HS2ST1: variants seen among roughly 807,000 people sequenced by gnomAD.
The protein encoded by HS2ST1 is heparan sulfate 2-O-sulfotransferase 1.
In HS2ST1, 18 loss-of-function variants were observed where a neutral mutation model predicts 42.9. The ratio of observed to expected loss-of-function variants is 0.42; its 90% CI spans 0.29 to 0.62. The LOEUF (loss-of-function observed/expected upper bound fraction) is 0.62, where lower values mean the gene tolerates loss of function less well. Ranked by LOEUF, HS2ST1 falls within the 20% of genes least tolerant of loss-of-function variation. HS2ST1 has a pLI of 0.21. For synonymous variants in HS2ST1, 146 were observed against 152.9 expected, an observed-to-expected ratio of 0.95 and a Z score of 0.33; for missense variants, 334 against 433.8, an observed-to-expected ratio of 0.77 and a Z score of 2.04.
chr1:87,029,282 T>G (rs1650167951), intron 1 of HS2ST1, among the ~76,000 whole-genome samples: 1 of 152,214 alleles, frequency 6.6e-6, no homozygotes, highest in Non-Finnish European at 1.5e-5. Flanking sequence ...CTTCTTTTAA[T>G]AGTGTCATGT....
intron 1 of HS2ST1, among the ~76,000 whole-genome samples, chr1:87,025,840 G>A (rs927059771): frequency 1.3e-5 from 2 of 152,094 alleles, no homozygotes; most frequent in Non-Finnish European, 2.9e-5. Context: ...AAGATTTGCA[G>A]AATGTAACAT....
intron 1 of HS2ST1, among the ~76,000 whole-genome samples, chr1:86,927,105 G>A (rs1660437199): frequency 6.6e-6 from 1 of 152,104 alleles, no homozygotes; most frequent in Admixed American, 6.6e-5. Context: ...TGCTGGGTGT[G>A]GCTGGATAAA....
chr1:87,038,854 A>G (rs532856644), intron 1 of HS2ST1, among the ~76,000 whole-genome samples: 1 of 152,314 alleles, frequency 6.6e-6, no homozygotes, highest in African/African-American at 2.4e-5. Flanking sequence ...ATGGATTCTG[A>G]CAGAGAAACT....
chr1:86,967,753 C>G (rs911882730), intron 1 of HS2ST1, among the ~76,000 whole-genome samples: 1 of 152,204 alleles, frequency 6.6e-6, no homozygotes, highest in African/African-American at 2.4e-5. Flanking sequence ...TGTGCTGCAA[C>G]AAACATTTAT....
chr1:87,098,696 C>T (rs1652128167), intron 5 of HS2ST1, among the ~76,000 whole-genome samples: 1 of 152,130 alleles, frequency 6.6e-6, no homozygotes, highest in Non-Finnish European at 1.5e-5. Flanking sequence ...TAAAGAATGC[C>T]TTCTCAATTT....
Position 87,072,981 on chromosome 1 carries a change from A to G in HS2ST1, c.172A>G (p.Thr58Ala), listed in dbSNP as rs750206376. Residue 58 changes from threonine to alanine, a missense_variant, in exon 2 of 7, where the codon ACA (threonine) becomes GCA (alanine). Transcript: ENST00000370550. Reference sequence around the variant, plus strand: ...AGTCCGAGAAATTGAGCAGCGACATACAATGGATGGCCCTCGGCAAGATGC... The same window carrying G: ...AGTCCGAGAAATTGAGCAGCGACATGCAATGGATGGCCCTCGGCAAGATGC... The part of the protein sequence containing the change: ...HEVREIEQRH[T>A]MDGPRQDATL... 5.0e-6 allele frequency: 8 copies of G among 1,614,008 alleles called. No individual in the cohort carries two copies. Among genetic ancestry groups the G allele is most frequent in the Non-Finnish European group, 6.8e-6 (8 of 1,180,006 alleles).
chr1:87,064,650 GA>G, intron 1 of HS2ST1: 1 of 407,322 alleles, frequency 2.5e-6, no homozygotes, highest in Non-Finnish European at 4.8e-6. Flanking sequence ...TGCTCAGGGA[GA>G]CTGATTCAAG....
At chr1:87,012,602 CT>C (rs1202536658) in intron 1 of HS2ST1, among the ~76,000 whole-genome samples, 2 of 152,176 alleles carry the variant, frequency 1.3e-5, no homozygotes, top group East Asian at 1.9e-4. Flanking sequence ...CATTCTGCCC[CT>C]GGCCCCTCCC....
intron 1 of HS2ST1, among the ~76,000 whole-genome samples, chr1:87,017,267 G>C (rs1052701553): frequency 4.6e-5 from 7 of 152,098 alleles, no homozygotes; most frequent in Non-Finnish European, 7.4e-5. Flanking sequence ...CTCCCGAGTA[G>C]CTGGGACTAC....
At chr1:86,944,989 T>C (rs1261154022) in intron 1 of HS2ST1, among the ~76,000 whole-genome samples, 1 of 152,118 alleles carries the variant, frequency 6.6e-6, no homozygotes, top group Non-Finnish European at 1.5e-5. Context: ...TGTATTCTAC[T>C]TTCTATGAAA....
chr1:87,033,302 A>T (rs1650286709), intron 1 of HS2ST1, among the ~76,000 whole-genome samples: 1 of 152,228 alleles, frequency 6.6e-6, no homozygotes, highest in Non-Finnish European at 1.5e-5. Flanking sequence ...ATCAAAACAT[A>T]GTTGGTGAAC....
chr1:86,947,406 T>C, intron 1 of HS2ST1, among the ~76,000 whole-genome samples: 1 of 152,228 alleles, frequency 6.6e-6, no homozygotes, highest in Non-Finnish European at 1.5e-5. Flanking sequence ...TGCACTTTGT[T>C]TTTAATTCCA....
rs1354419373 is a variant in HS2ST1 at position 86,990,836 on chromosome 1, A to T, written c.124+75676A>T. Among the ~76,000 whole-genome samples the T allele has an allele frequency of 6.6e-4, 29 of 44,232 alleles. 1 individual carries two copies. Among genetic ancestry groups the T allele is most frequent in the African/African-American group, 2.3e-3 (29 of 12,626 alleles). The allele number at this position is 44,232 out of a possible 152,430, so 29.0% of individuals were successfully genotyped here. On this transcript the variant is annotated intron_variant, in intron 1 of 6. Coordinates refer to ENST00000370550, the MANE Select transcript of HS2ST1 (RefSeq NM_012262.4). ...TTTATATATATATATATATATATAT[A>T]TTTTTTTTTTTTTTTTTTTTTTTAG...
intron 5 of HS2ST1, among the ~76,000 whole-genome samples, chr1:87,098,970 G>T (rs974231535): frequency 5.3e-5 from 8 of 152,070 alleles, no homozygotes; most frequent in Non-Finnish European, 1.2e-4. Flanking sequence ...TAGAGATGGG[G>T]TTTCACCATG....
chr1:86,976,702 T>TTATATATATATATATATATATATATATA (rs1553134330), intron 1 of HS2ST1, among the ~76,000 whole-genome samples: 3 of 26,792 alleles, frequency 1.1e-4, no homozygotes, highest in Admixed American at 6.0e-4. Context: ...CTTTATAAAA[T>TTATATATATATATATATATATATATATA]TGTATATATA....
chr1:86,947,133 T>C (rs1268178571), intron 1 of HS2ST1, among the ~76,000 whole-genome samples: 2 of 152,164 alleles, frequency 1.3e-5, no homozygotes, highest in African/African-American at 4.8e-5. Flanking sequence ...GAACCTTAAG[T>C]TGAGGGAGCC....
chr1:87,094,436 C>T (rs758458896), intron 4 of HS2ST1, among the ~76,000 whole-genome samples: 9 of 152,012 alleles, frequency 5.9e-5, no homozygotes, highest in African/African-American at 1.2e-4. Flanking sequence ...AGGTAGCTTG[C>T]GCAACAATTT....
chr1:86,940,587 T>C (rs1660740975), intron 1 of HS2ST1, among the ~76,000 whole-genome samples: 1 of 152,242 alleles, frequency 6.6e-6, no homozygotes, highest in Admixed American at 6.5e-5. Context: ...CTCAGAATAA[T>C]TTATGTCACC....
At position 87,105,323 on chromosome 1, in the gene HS2ST1, G is replaced by C. The variant is rs1186884554; in HGVS notation, c.*627G>C. On this transcript the variant is annotated 3_prime_UTR_variant, in exon 7 of 7. Transcript: ENST00000370550. The stretch of plus-strand genomic sequence containing the variant: ...TAAATCATGACTAATATGGTAAAAA[G>C]ATAAAGCATCAAAGCAGTATTTCTC... The C allele has an allele frequency of 2.0e-5, 3 of 152,538 alleles. No individual in the cohort carries two copies. Among genetic ancestry groups the C allele is most frequent in the Non-Finnish European group, 4.4e-5 (3 of 67,960 alleles). 9.4% of individuals were successfully genotyped at this position (152,538 alleles called of 1,614,324 possible).
Sources: allele counts gnomAD v4.1 joint callset (sites outside exome capture counted in the v4.1 genomes callset), GRCh38; gene constraint gnomAD v4.1.1; transcripts MANE v1.5; gene names NCBI Gene and HGNC (gene_info 2026-07-23, HGNC 2026-07-21).